The following RIMS2 variants were observed in gnomAD, a reference collection of about 807,000 sequenced individuals.
The protein encoded by RIMS2 is regulating synaptic membrane exocytosis protein 2.
A neutral mutation model predicts 174.4 loss-of-function variants in RIMS2; 59 were observed. The ratio of observed to expected loss-of-function variants is 0.34; its 90% CI spans 0.27 to 0.42. The LOEUF is 0.42. RIMS2 is among the 10% of genes least tolerant of loss of function. RIMS2 has a pLI of 1.00. For missense variants in RIMS2, 1,620 were observed against 1,666.3 expected, an observed-to-expected ratio of 0.97 and a Z score of 0.48; for synonymous variants, 606 against 572.5, an observed-to-expected ratio of 1.06 and a Z score of -0.84.
At chr8:103,545,573 G>A (rs1287854549) in intron 1 of RIMS2, among the ~76,000 whole-genome samples, 2 of 152,106 alleles carry the variant, frequency 1.3e-5, no homozygotes, top group African/African-American at 2.4e-5. Flanking sequence ...ATACATAGAC[G>A]TCAGATTCTC....
chr8:104,224,124 C>A (rs942674474), intron 19 of RIMS2, among the ~76,000 whole-genome samples: 1 of 152,212 alleles, frequency 6.6e-6, no homozygotes, highest in Non-Finnish European at 1.5e-5. Flanking sequence ...GTTTACCCTT[C>A]GCAGTCCGGG....
At chr8:104,205,565 T>A (rs1216654875) in intron 19 of RIMS2, among the ~76,000 whole-genome samples, 3 of 152,040 alleles carry the variant, frequency 2.0e-5, no homozygotes, top group Non-Finnish European at 4.4e-5. Flanking sequence ...AAGTTGTGAG[T>A]TCTTACAGAT....
chr8:103,752,182 T>A (rs1415909999), intron 2 of RIMS2, among the ~76,000 whole-genome samples: 1 of 152,198 alleles, frequency 6.6e-6, no homozygotes, highest in African/African-American at 2.4e-5. Flanking sequence ...TAGCCAGTTT[T>A]CCCAGCACCA....
chr8:103,565,424 C>T (rs931579820), intron 1 of RIMS2, among the ~76,000 whole-genome samples: 1 of 152,050 alleles, frequency 6.6e-6, no homozygotes, highest in African/African-American at 2.4e-5. Context: ...TCTACCTCAG[C>T]CTTCCAAGTA....
At chr8:104,096,755 C>G (rs943217953) in intron 19 of RIMS2, among the ~76,000 whole-genome samples, 2 of 151,766 alleles carry the variant, frequency 1.3e-5, no homozygotes, top group Non-Finnish European at 2.9e-5. Flanking sequence ...ATAGTCCCAG[C>G]TACTCGGGAG....
intron 3 of RIMS2, among the ~76,000 whole-genome samples, chr8:103,792,980 C>CTA (rs1387880544): frequency 1.3e-5 from 2 of 152,146 alleles, no homozygotes; most frequent in Non-Finnish European, 2.9e-5. Context: ...CAGATGGATT[C>CTA]ACAGCCGAAT....
At chr8:103,615,933 A>T (rs1294553164) in intron 1 of RIMS2, among the ~76,000 whole-genome samples, 2 of 152,210 alleles carry the variant, frequency 1.3e-5, no homozygotes, top group Admixed American at 1.3e-4. Context: ...GCCAAATTCT[A>T]CCAGATGTCC....
chr8:104,092,006 T>C (rs2097668395), intron 19 of RIMS2, among the ~76,000 whole-genome samples: 1 of 151,772 alleles, frequency 6.6e-6, no homozygotes, highest in African/African-American at 2.4e-5. Context: ...GTAATTTGAA[T>C]ATATGTTGCT....
At chr8:103,967,655 C>T (rs924274685) in intron 15 of RIMS2, among the ~76,000 whole-genome samples, 3 of 152,070 alleles carry the variant, frequency 2.0e-5, no homozygotes, top group African/African-American at 7.2e-5. Flanking sequence ...GTGGATTCAT[C>T]TATTTCTCTA....
At chr8:103,834,734 TTC>T (rs1205745359) in intron 3 of RIMS2, among the ~76,000 whole-genome samples, 1 of 121,890 alleles carries the variant, frequency 8.2e-6, no homozygotes, top group East Asian at 2.8e-4. Flanking sequence ...CTTTCTTTCT[TTC>T]TTTCTTTCTC....
At chr8:103,646,310 G>A (rs1268792733) in intron 1 of RIMS2, among the ~76,000 whole-genome samples, 1 of 152,100 alleles carries the variant, frequency 6.6e-6, no homozygotes, top group Non-Finnish European at 1.5e-5. Context: ...ACGTGAGGTA[G>A]AAGTTTTTTT....
At chr8:103,648,818 T>C (rs1260237536) in intron 1 of RIMS2, among the ~76,000 whole-genome samples, 1 of 152,220 alleles carries the variant, frequency 6.6e-6, no homozygotes, top group Non-Finnish European at 1.5e-5. Context: ...CCTTTTATTT[T>C]GGGCCTATGT....
At chr8:104,143,415 C>T (rs1040247781) in intron 19 of RIMS2, among the ~76,000 whole-genome samples, 1 of 152,062 alleles carries the variant, frequency 6.6e-6, no homozygotes, top group East Asian at 1.9e-4. Flanking sequence ...CTGCAAAGAA[C>T]ATGCAAGAAA....
intron 14 of RIMS2, among the ~76,000 whole-genome samples, chr8:103,953,490 C>A (rs569328101): frequency 6.6e-6 from 1 of 152,114 alleles, no homozygotes; most frequent in Non-Finnish European, 1.5e-5. Context: ...ATTTTCATAT[C>A]CAGCCAAACT....
At chr8:104,060,781 G>T (rs1479090554) in intron 19 of RIMS2, among the ~76,000 whole-genome samples, 1 of 152,008 alleles carries the variant, frequency 6.6e-6, no homozygotes, top group Admixed American at 6.6e-5. Context: ...CTTTGTTCTC[G>T]CTGGTTTCAA....
intron 1 of RIMS2, among the ~76,000 whole-genome samples, chr8:103,637,163 A>C (rs1194107425): frequency 6.6e-6 from 1 of 152,156 alleles, no homozygotes; most frequent in Non-Finnish European, 1.5e-5. Context: ...CCTTTCTATG[A>C]ACAAAAGGCA....
rs140574183 is a variant in RIMS2 at position 103,507,306 on chromosome 8, C to T, written c.176+6244C>T. On this transcript the variant is annotated intron_variant, in intron 1 of 23. Transcript: ENST00000504942. ...TTTATATTTCCCCAATTATGCTTAT[C>T]AAAATTTATAATGATTTATTTACTT... Among the ~76,000 whole-genome samples the T allele has an allele frequency of 3.1e-3, 466 of 152,154 alleles. 2 individuals are homozygous for T. The highest frequency in any genetic ancestry group is 9.5e-3 in the African/African-American group (395 of 41,544).
At chr8:103,992,499 C>T (rs2154550816) in intron 17 of RIMS2, among the ~76,000 whole-genome samples, 1 of 151,634 alleles carries the variant, frequency 6.6e-6, no homozygotes, top group South Asian at 2.1e-4. Flanking sequence ...ATGAATTGGA[C>T]CTTGAAAAAT....
At chr8:103,637,481 G>C (rs952298191) in intron 1 of RIMS2, among the ~76,000 whole-genome samples, 3 of 152,166 alleles carry the variant, frequency 2.0e-5, no homozygotes, top group African/African-American at 7.2e-5. Flanking sequence ...ATAAGTACTT[G>C]TGAAAGATAA....
Sources: gnomAD v4.1 joint callset for allele counts (sites outside exome capture counted in the v4.1 genomes callset) on GRCh38, gnomAD v4.1.1 for gene constraint, MANE v1.5 for transcripts, NCBI Gene and HGNC (gene_info 2026-07-23, HGNC 2026-07-21) for gene names.